The following CAB39L variants were observed in gnomAD, a reference collection of about 807,000 sequenced individuals.
CAB39L encodes calcium-binding protein 39-like.
CAB39L carries 23 observed loss-of-function variants against 39.1 expected under a neutral mutation model. The observed-to-expected ratio is 0.59, with a 90% CI of 0.42 to 0.83. The LOEUF is 0.83. Among genes scored for constraint, CAB39L ranks in the 40% least tolerant of loss-of-function variants. CAB39L has a pLI of 0.00. For missense variants in CAB39L, 366 were observed against 391.9 expected, an observed-to-expected ratio of 0.93 and a Z score of 0.56; for synonymous variants, 126 against 137.2, an observed-to-expected ratio of 0.92 and a Z score of 0.57.
chr13:49,389,133 G>C (rs530912227), intron 3 of CAB39L, among the ~76,000 whole-genome samples: 109 of 152,232 alleles, frequency 7.2e-4, no homozygotes, highest in African/African-American at 2.5e-3. Flanking sequence ...AGGTGAATTA[G>C]AACAGCCACT....
chr13:49,388,966 G>A (rs912460271), intron 3 of CAB39L, among the ~76,000 whole-genome samples: 3 of 152,144 alleles, frequency 2.0e-5, no homozygotes, highest in Non-Finnish European at 2.9e-5. Flanking sequence ...CAAAAGCGGG[G>A]GAACATGACC....
At chr13:49,338,394 C>A (rs978640232) in intron 9 of CAB39L, among the ~76,000 whole-genome samples, 1 of 150,326 alleles carries the variant, frequency 6.7e-6, no homozygotes. Flanking sequence ...AGTAAACTAT[C>A]GCAAGAACAA....
At chr13:49,326,214 T>C (rs1247868740) in intron 10 of CAB39L, among the ~76,000 whole-genome samples, 1 of 152,216 alleles carries the variant, frequency 6.6e-6, no homozygotes, top group Admixed American at 6.5e-5. Context: ...GATCATCTCA[T>C]AATGTATCCC....
rs1007945882 is a variant in CAB39L at position 49,433,380 on chromosome 13, G to A, written c.-94C>T. On this transcript the variant is annotated 5_prime_UTR_variant, in exon 3 of 11. Coordinates refer to ENST00000409308, the MANE Select transcript of CAB39L (RefSeq NM_001079670.3). ...CTTCTTAGCTTTCACCAAAGTCACT[G>A]ATCACCACAGCTTCTGACAAAAAGA... The A allele has an allele frequency of 2.2e-6, 1 of 455,110 alleles. No individual in the cohort carries two copies. The highest frequency in any genetic ancestry group is 2.0e-5 in the African/African-American group (1 of 50,076). 28.2% of individuals were successfully genotyped at this position (455,110 alleles called of 1,614,324 possible). A position where few individuals can be genotyped will look rare whatever the true frequency, so the allele number is the denominator to read the frequency against.
intron 5 of CAB39L, among the ~76,000 whole-genome samples, chr13:49,361,258 T>A (rs1955620939): frequency 6.6e-6 from 1 of 151,736 alleles, no homozygotes. Context: ...GTGGGGCAGA[T>A]CAAGAGGTCA....
At chr13:49,362,679 T>C (rs1465490649) in intron 5 of CAB39L, among the ~76,000 whole-genome samples, 1 of 151,386 alleles carries the variant, frequency 6.6e-6, no homozygotes, top group Non-Finnish European at 1.5e-5. Flanking sequence ...GGTAGAAAAC[T>C]TACTCTAAGA....
intron 9 of CAB39L, among the ~76,000 whole-genome samples, chr13:49,338,709 T>TAGTCTTCTG (rs1200958705): frequency 1.3e-5 from 2 of 152,224 alleles, no homozygotes; most frequent in Non-Finnish European, 2.9e-5. Flanking sequence ...TGCGATCATG[T>TAGTCTTCTG]AGTCTTCTGA....
intron 6 of CAB39L, among the ~76,000 whole-genome samples, chr13:49,356,997 C>T: frequency 6.8e-6 from 1 of 147,800 alleles, no homozygotes; most frequent in East Asian, 2.0e-4. Context: ...TGCAGTGAGC[C>T]GAGATCACGC....
At position 49,309,574 on chromosome 13, in the gene CAB39L, C is replaced by G. The variant is rs1392038443; in HGVS notation, c.*1240G>C. The G allele has an allele frequency of 6.6e-6, 1 of 152,094 alleles. No individual in the cohort carries two copies. Among genetic ancestry groups the G allele is most frequent in the Non-Finnish European group, 1.5e-5 (1 of 68,010 alleles). 9.4% of individuals were successfully genotyped at this position (152,094 alleles called of 1,614,324 possible). On this transcript the variant is annotated 3_prime_UTR_variant, in exon 11 of 11. Coordinates refer to ENST00000409308, the MANE Select transcript of CAB39L (RefSeq NM_001079670.3). Reference sequence around the variant, plus strand: ...TCTTGTAAAATATCGCTTTAAAATCCCGTTTTAGATGGTTGATGTCTGAAA... The same window carrying G: ...TCTTGTAAAATATCGCTTTAAAATCGCGTTTTAGATGGTTGATGTCTGAAA...
intron 10 of CAB39L, among the ~76,000 whole-genome samples, chr13:49,330,992 T>C (rs374540571): frequency 1.6e-4 from 24 of 152,174 alleles, no homozygotes; most frequent in South Asian, 1.2e-3. Flanking sequence ...TGGTTACTTA[T>C]GGTATAGCAT....
intron 5 of CAB39L, among the ~76,000 whole-genome samples, chr13:49,360,792 T>C (rs1038146087): frequency 6.6e-6 from 1 of 152,138 alleles, no homozygotes; most frequent in Admixed American, 6.6e-5. Flanking sequence ...ATGGGACTCT[T>C]TCCCCTTTGC....
At chr13:49,359,856 T>A in intron 5 of CAB39L, 24 bp from the exon 6 acceptor site, 1 of 1,265,142 alleles carries the variant, frequency 7.9e-7, no homozygotes, top group Non-Finnish European at 1.2e-6. Context: ...AAACAGAAAT[T>A]AAATTGTACA....
intron 10 of CAB39L, among the ~76,000 whole-genome samples, chr13:49,326,089 A>G (rs898163327): frequency 6.6e-6 from 1 of 152,242 alleles, no homozygotes; most frequent in Admixed American, 6.5e-5. Flanking sequence ...CCTGAGTTCC[A>G]GCAGCTCTGA....
chr13:49,431,783 A>G (rs540827300), intron 3 of CAB39L, among the ~76,000 whole-genome samples: 2 of 152,320 alleles, frequency 1.3e-5, no homozygotes, highest in South Asian at 4.1e-4. Flanking sequence ...ATTCCCAGGA[A>G]TTCACTCAAA....
chr13:49,401,079 A>G (rs902473334), intron 3 of CAB39L: 2 of 152,198 alleles, frequency 1.3e-5, no homozygotes, highest in African/African-American at 2.4e-5. Flanking sequence ...ACTAAAGTTT[A>G]CCATATTCCT....
chr13:49,437,999 A>G lies in CAB39L; in HGVS notation c.-245-3776T>C, dbSNP rs577043521. On this transcript the variant is annotated intron_variant, in intron 1 of 10. Coordinates refer to ENST00000409308, the MANE Select transcript of CAB39L (RefSeq NM_001079670.3). ...GCCACTACGCCCAGTTAATTTTTTTATTTTTTATTTTTTTTAAGAGACAAG... is the reference window on the plus strand; with the variant it reads ...GCCACTACGCCCAGTTAATTTTTTTGTTTTTTATTTTTTTTAAGAGACAAG... Among the ~76,000 whole-genome samples the G allele has an allele frequency of 5.5e-4, 82 of 148,988 alleles. 1 individual carries two copies. The highest frequency in any genetic ancestry group is 1.9e-3 in the African/African-American group (77 of 40,062).
chr13:49,355,578 A>C (rs1472136302), intron 6 of CAB39L, among the ~76,000 whole-genome samples: 2 of 152,162 alleles, frequency 1.3e-5, no homozygotes, highest in African/African-American at 4.8e-5. Context: ...ATATCTCGTT[A>C]CACCAGAAAG....
chr13:49,419,112 T>C (rs533057318), intron 3 of CAB39L, among the ~76,000 whole-genome samples: 6 of 151,978 alleles, frequency 3.9e-5, no homozygotes, highest in African/African-American at 4.8e-5. Flanking sequence ...TGATTACAGG[T>C]GCATGCCACC....
At chr13:49,364,994 C>A (rs1352024349) in intron 5 of CAB39L, among the ~76,000 whole-genome samples, 2 of 152,108 alleles carry the variant, frequency 1.3e-5, no homozygotes, top group Non-Finnish European at 2.9e-5. Flanking sequence ...CCAAAACCAT[C>A]ATGAGCAAAA....
Sources: gnomAD v4.1 joint callset for allele counts (sites outside exome capture counted in the v4.1 genomes callset) on GRCh38, gnomAD v4.1.1 for gene constraint, MANE v1.5 for transcripts, NCBI Gene and HGNC (gene_info 2026-07-23, HGNC 2026-07-21) for gene names.